Variants in SUPT3H observed in about 807,000 individuals in gnomAD.
SUPT3H encodes transcription initiation protein SPT3 homolog.
SUPT3H carries 44 observed loss-of-function variants against 44.3 expected under a neutral mutation model. The ratio of observed to expected loss-of-function variants is 0.99; its 90% CI spans 0.78 to 1.28. The LOEUF (loss-of-function observed/expected upper bound fraction) is 1.28. Among genes scored for constraint, SUPT3H ranks in the 50% most tolerant of loss-of-function variants. The pLI is 0.00. For synonymous variants in SUPT3H, 124 were observed against 125.6 expected (o/e 0.99, Z 0.09); for missense variants, 380 against 387.1 (o/e 0.98, Z 0.15).
At chr6:44,900,846 G>A (rs1381225926) in intron 10 of SUPT3H, among the ~76,000 whole-genome samples, 3 of 152,194 alleles carry the variant, frequency 2.0e-5, no homozygotes, top group African/African-American at 2.4e-5. Flanking sequence ...CGATCAGGCA[G>A]CAACATTTGA....
intron 2 of SUPT3H, among the ~76,000 whole-genome samples, chr6:45,269,680 C>T (rs759765762): frequency 1.1e-4 from 17 of 152,300 alleles, no homozygotes; most frequent in Middle Eastern, 3.4e-3. Context: ...GCACTTACCA[C>T]GTTATCAATT....
chr6:45,334,118 T>A (rs941154632), intron 2 of SUPT3H, among the ~76,000 whole-genome samples: 1 of 151,302 alleles, frequency 6.6e-6, no homozygotes, highest in Non-Finnish European at 1.5e-5. Context: ...CCAATTCTCT[T>A]AATTATACAT....
chr6:45,112,962 C>CTT lies in SUPT3H; in HGVS notation c.102-6958_102-6957dup, dbSNP rs11330704. Reference sequence around the variant, plus strand: ...TTGCTGTGGTCTTGGGAGCTAGTCACTTTTTTTTTTTTTTTTAATTAGTTC... The same window carrying CTT: ...TTGCTGTGGTCTTGGGAGCTAGTCACTTTTTTTTTTTTTTTTTTAATTAGTTC... On this transcript the variant is annotated intron_variant, in intron 2 of 10. Transcript: ENST00000371459. Among the ~76,000 whole-genome samples the CTT allele has an allele frequency of 5.1e-4, 71 of 138,398 alleles. 2 individuals are homozygous for CTT. Among genetic ancestry groups the CTT allele is most frequent in the Middle Eastern group, 3.7e-3 (1 of 270 alleles). 90.8% of individuals were successfully genotyped at this position (138,398 alleles called of 152,430 possible).
intron 2 of SUPT3H, among the ~76,000 whole-genome samples, chr6:45,157,996 C>T (rs1808136196): frequency 1.3e-5 from 2 of 148,876 alleles, no homozygotes; most frequent in South Asian, 4.2e-4. Context: ...GTAATTATAA[C>T]TCCTCAACAT....
intron 4 of SUPT3H, among the ~76,000 whole-genome samples, chr6:45,017,877 G>A (rs1486608149): frequency 6.9e-6 from 1 of 144,470 alleles, no homozygotes; most frequent in Non-Finnish European, 1.5e-5. Flanking sequence ...TTCCAATTCT[G>A]TGAAGAAAGT....
chr6:44,937,642 T>A (rs768740144), intron 9 of SUPT3H, among the ~76,000 whole-genome samples: 1 of 152,220 alleles, frequency 6.6e-6, no homozygotes, highest in Non-Finnish European at 1.5e-5. Flanking sequence ...TAAAATGATA[T>A]CTCATTGTGG....
At chr6:45,282,284 T>C (rs1778271598) in intron 2 of SUPT3H, among the ~76,000 whole-genome samples, 1 of 151,940 alleles carries the variant, frequency 6.6e-6, no homozygotes, top group South Asian at 2.1e-4. Context: ...ACAATCAAAC[T>C]AATCCGAGCT....
At chr6:45,370,978 T>G (rs1243773325) in intron 1 of SUPT3H, among the ~76,000 whole-genome samples, 1 of 152,196 alleles carries the variant, frequency 6.6e-6, no homozygotes, top group African/African-American at 2.4e-5. Flanking sequence ...CCTATCAGAT[T>G]ATCCTTAAGC....
At chr6:44,840,574 G>A (rs1227415651) in intron 10 of SUPT3H, among the ~76,000 whole-genome samples, 2 of 152,188 alleles carry the variant, frequency 1.3e-5, no homozygotes, top group African/African-American at 2.4e-5. Flanking sequence ...CTCCTACTCG[G>A]GTGTGAACAT....
chr6:45,237,201 GAGAA>G (rs1769330301), intron 2 of SUPT3H, among the ~76,000 whole-genome samples: 2 of 152,172 alleles, frequency 1.3e-5, no homozygotes, highest in Admixed American at 1.3e-4. Flanking sequence ...TAACTATTCA[GAGAA>G]AGAAATTTAA....
chr6:45,078,986 C>T (rs1334502904), intron 3 of SUPT3H, among the ~76,000 whole-genome samples: 1 of 152,110 alleles, frequency 6.6e-6, no homozygotes, highest in African/African-American at 2.4e-5. Flanking sequence ...CACATCTCTC[C>T]CCATACTTGG....
At chr6:45,031,322 T>C (rs1022643674) in intron 3 of SUPT3H, among the ~76,000 whole-genome samples, 1 of 152,188 alleles carries the variant, frequency 6.6e-6, no homozygotes, top group African/African-American at 2.4e-5. Context: ...TTTGTATATA[T>C]GTGTGATATT....
intron 2 of SUPT3H, among the ~76,000 whole-genome samples, chr6:45,191,450 A>G (rs950957793): frequency 5.6e-4 from 86 of 152,242 alleles, no homozygotes; most frequent in African/African-American, 2.0e-3. Flanking sequence ...CGGGATTTTT[A>G]AGGCAATGGA....
At chr6:45,053,532 T>C (rs1166855853) in intron 3 of SUPT3H, among the ~76,000 whole-genome samples, 2 of 151,134 alleles carry the variant, frequency 1.3e-5, no homozygotes, top group African/African-American at 2.4e-5. Context: ...ATTGAGAAAA[T>C]AGCAGAGGCA....
At chr6:44,866,200 A>G (rs1775486106) in intron 10 of SUPT3H, among the ~76,000 whole-genome samples, 1 of 148,542 alleles carries the variant, frequency 6.7e-6, no homozygotes, top group African/African-American at 2.5e-5. Flanking sequence ...TAACTTTTGT[A>G]TGATTCCTAT....
At chr6:45,157,969 G>A (rs1385771132) in intron 2 of SUPT3H, among the ~76,000 whole-genome samples, 1 of 150,424 alleles carries the variant, frequency 6.6e-6, no homozygotes, top group South Asian at 2.1e-4. Flanking sequence ...TGTAATTATA[G>A]TAATTATTAA....
intron 10 of SUPT3H, among the ~76,000 whole-genome samples, chr6:44,880,075 G>A (rs1188834972): frequency 2.0e-5 from 3 of 152,098 alleles, no homozygotes; most frequent in African/African-American, 7.2e-5. Context: ...TGGAGAATGA[G>A]TTTGACGAAC....
chr6:45,321,766 G>A (rs1239435273), intron 2 of SUPT3H: 2 of 1,478,056 alleles, frequency 1.4e-6, no homozygotes, highest in Non-Finnish European at 1.9e-6. Flanking sequence ...CTCTTGAAAA[G>A]CGATAGGAAC....
chr6:45,359,398 T>C (rs1285313986), intron 2 of SUPT3H, among the ~76,000 whole-genome samples: 6 of 152,186 alleles, frequency 3.9e-5, no homozygotes. Flanking sequence ...TATTCCTAAT[T>C]ACTATTATAG....
Sources: allele counts gnomAD v4.1 joint callset (sites outside exome capture counted in the v4.1 genomes callset), GRCh38; gene constraint gnomAD v4.1.1; transcripts MANE v1.5; gene names NCBI Gene and HGNC (gene_info 2026-07-23, HGNC 2026-07-21).